Variants in CDH2 observed in about 807,000 individuals in gnomAD.
CDH2 encodes cadherin-2.
Under a neutral mutation model 92.0 loss-of-function variants are expected in CDH2, and 17 were observed. The ratio of observed to expected loss-of-function variants is 0.18; its 90% CI spans 0.13 to 0.28. CDH2 has a LOEUF of 0.28. Ranked by LOEUF, CDH2 falls within the 10% of genes least tolerant of loss-of-function variation. CDH2 has a pLI of 1.00. For missense variants in CDH2, 862 were observed against 1,133.1 expected (o/e 0.76, Z 3.44); for synonymous variants, 419 against 415.9 (o/e 1.01, Z -0.09).
intron 2 of CDH2, among the ~76,000 whole-genome samples, chr18:28,015,172 G>C (rs1301969934): frequency 6.6e-6 from 1 of 152,102 alleles, no homozygotes; most frequent in Non-Finnish European, 1.5e-5. Context: ...AATTCACTGA[G>C]ACGTGCACAC....
chr18:28,175,151 G>C (rs372613579), intron 1 of CDH2, among the ~76,000 whole-genome samples: 1 of 152,166 alleles, frequency 6.6e-6, no homozygotes, highest in East Asian at 1.9e-4. Flanking sequence ...TGTGCGCTGG[G>C]AGAATAAAGG....
At chr18:28,145,913 C>G (rs561322060) in intron 2 of CDH2, among the ~76,000 whole-genome samples, 15 of 152,152 alleles carry the variant, frequency 9.9e-5, no homozygotes, top group South Asian at 4.1e-4. Context: ...ATTATACATA[C>G]TTTTCTCACT....
intron 2 of CDH2, among the ~76,000 whole-genome samples, chr18:28,124,478 T>C (rs553639704): frequency 3.5e-4 from 53 of 152,216 alleles, no homozygotes; most frequent in Non-Finnish European, 6.8e-4. Context: ...TTTTACACAT[T>C]CAAAGCGTTC....
chr18:28,113,331 T>G (rs2015442765), intron 2 of CDH2, among the ~76,000 whole-genome samples: 1 of 152,108 alleles, frequency 6.6e-6, no homozygotes, highest in African/African-American at 2.4e-5. Context: ...TACTTGGTCT[T>G]CAAAATCCAA....
Position 27,965,012 on chromosome 18 carries a change from G to A in CDH2, c.2350-1491C>T, listed in dbSNP as rs2011500669. Among the ~76,000 whole-genome samples, 3 of 152,168 alleles carry A rather than the reference G, an allele frequency of 2.0e-5. No individual in the cohort carries two copies. The South Asian group carries it at 6.2e-4, about 32-fold the overall frequency. On this transcript the variant is annotated intron_variant, in intron 14 of 15. Transcript: ENST00000269141. ...TAACTTCATACTCACTGTGGGTCAG[G>A]CACTATACCAGACTCTTGATAAGTG...
chr18:27,979,390 G>C, intron 14 of CDH2, among the ~76,000 whole-genome samples: 1 of 152,310 alleles, frequency 6.6e-6, no homozygotes, highest in East Asian at 1.9e-4. Context: ...GTGGGGAAGG[G>C]AGGTGTCAAT....
At chr18:28,084,502 T>C (rs1022237313) in intron 2 of CDH2, among the ~76,000 whole-genome samples, 2 of 151,872 alleles carry the variant, frequency 1.3e-5, no homozygotes, top group Admixed American at 1.3e-4. Flanking sequence ...CCAAGTCACA[T>C]AGCAGAAGAA....
chr18:28,005,658 ATTTT>A lies in CDH2; in HGVS notation c.847+187_847+190del, dbSNP rs74441046. Among the ~76,000 whole-genome samples, 9 of 149,934 alleles carry A rather than the reference ATTTT, an allele frequency of 6.0e-5. No homozygotes were observed. The East Asian group carries it at 1.6e-3, about 26-fold the overall frequency. ...AAAATCAGTATGAGTAATAAGAAGG[ATTTT>A]TTTTTTGTTTTTCTCTCTTCAATTG... On this transcript the variant is annotated intron_variant, in intron 6 of 15. Coordinates refer to ENST00000269141, the MANE Select transcript of CDH2 (RefSeq NM_001792.5).
At chr18:28,157,225 A>T (rs1269940400) in intron 1 of CDH2, among the ~76,000 whole-genome samples, 1 of 152,208 alleles carries the variant, frequency 6.6e-6, no homozygotes. Flanking sequence ...CATGACACTC[A>T]GCAGAGACTG....
At chr18:28,131,509 A>G (rs2015769421) in intron 2 of CDH2, among the ~76,000 whole-genome samples, 2 of 152,216 alleles carry the variant, frequency 1.3e-5, no homozygotes, top group African/African-American at 4.8e-5. Flanking sequence ...TGGTGATTTT[A>G]TATTAAGATC....
intron 2 of CDH2, among the ~76,000 whole-genome samples, chr18:28,023,021 A>T (rs1334098174): frequency 6.6e-6 from 1 of 152,106 alleles, no homozygotes; most frequent in Non-Finnish European, 1.5e-5. Flanking sequence ...GTATTTTTTT[A>T]ATTAACTCTT....
chr18:28,073,884 G>C (rs908989533), intron 2 of CDH2, among the ~76,000 whole-genome samples: 1 of 152,082 alleles, frequency 6.6e-6, no homozygotes, highest in Non-Finnish European at 1.5e-5. Flanking sequence ...TGCTCCTGGG[G>C]TTGCTGCAAG....
chr18:27,981,288 G>C lies in CDH2; in HGVS notation c.2349+1656C>G, dbSNP rs955785560. ...ATGAGAGAATGTGATCAATATGTTTGTTGATCTTGAAAATAGCCTAGGAAA... is the reference window on the plus strand; with the variant it reads ...ATGAGAGAATGTGATCAATATGTTTCTTGATCTTGAAAATAGCCTAGGAAA... On this transcript the variant is annotated intron_variant, in intron 14 of 15. Transcript: ENST00000269141. Among the ~76,000 whole-genome samples the C allele has an allele frequency of 2.2e-4, 33 of 152,298 alleles. 1 individual carries two copies. Among genetic ancestry groups the C allele is most frequent in the South Asian group, 1.7e-3 (8 of 4,816 alleles).
At chr18:28,018,799 C>A (rs2013325053) in intron 2 of CDH2, among the ~76,000 whole-genome samples, 1 of 151,190 alleles carries the variant, frequency 6.6e-6, no homozygotes, top group Non-Finnish European at 1.5e-5. Context: ...ACTATGTGAT[C>A]CAGCAAATCC....
intron 2 of CDH2, among the ~76,000 whole-genome samples, chr18:28,075,610 T>G (rs1277803791): frequency 1.3e-5 from 2 of 152,168 alleles, no homozygotes; most frequent in Non-Finnish European, 2.9e-5. Context: ...CAGTGCTTTC[T>G]CAAACAGAAA....
intron 2 of CDH2, among the ~76,000 whole-genome samples, chr18:28,096,891 G>A (rs974623337): frequency 7.2e-5 from 11 of 152,210 alleles, no homozygotes; most frequent in Admixed American, 2.0e-4. Flanking sequence ...AGCATGCTCC[G>A]TACTTGAGCA....
intron 7 of CDH2, among the ~76,000 whole-genome samples, chr18:27,999,713 T>C (rs1030776975): frequency 6.6e-6 from 1 of 151,548 alleles, no homozygotes; most frequent in East Asian, 1.9e-4. Flanking sequence ...TATGTATATA[T>C]GTGTGTGTGT....
Position 28,104,460 on chromosome 18 carries a change from C to T in CDH2, c.172+43213G>A, listed in dbSNP as rs541155738. ...ATTTTTTAAAAACCATGAAGCAATC[C>T]AAGAATTCAAACTAACTGTTTTACA... On this transcript the variant is annotated intron_variant, in intron 2 of 15. Transcript: ENST00000269141. Among the ~76,000 whole-genome samples, 5 of 151,806 alleles carry T rather than the reference C, an allele frequency of 3.3e-5. No homozygotes were observed. In the East Asian group the frequency reaches 9.8e-4, roughly 30 times the overall value.
chr18:28,176,817 A>G (rs1320755407), intron 1 of CDH2, 146 bp downstream of exon 1: 2 of 245,216 alleles, frequency 8.2e-6, no homozygotes, highest in Non-Finnish European at 1.3e-5. Flanking sequence ...CTGCGCAGCT[A>G]CCGGCCGCGC....
Sources: gnomAD v4.1 joint callset for allele counts (sites outside exome capture counted in the v4.1 genomes callset) on GRCh38, gnomAD v4.1.1 for gene constraint, MANE v1.5 for transcripts, NCBI Gene and HGNC (gene_info 2026-07-23, HGNC 2026-07-21) for gene names.